The following ACTR5 variants were observed in gnomAD, a reference collection of about 807,000 sequenced individuals.
ACTR5 encodes actin related protein 5.
Under a neutral mutation model 61.2 loss-of-function variants are expected in ACTR5, and 43 were observed. The ratio of observed to expected loss-of-function variants is 0.70; its 90% CI spans 0.55 to 0.91. ACTR5 has a LOEUF of 0.91. Among genes scored for constraint, ACTR5 ranks in the 40% least tolerant of loss-of-function variants. The pLI is 0.00. For synonymous variants in ACTR5, 333 were observed against 310.5 expected, an observed-to-expected ratio of 1.07 and a Z score of -0.76; for missense variants, 798 against 782.2, an observed-to-expected ratio of 1.02 and a Z score of -0.24.
chr20:38,748,805 G>A lies in ACTR5; in HGVS notation c.327G>A (p.Gln109=), dbSNP rs756190699. Residue 109 remains glutamine, a synonymous_variant, in exon 1 of 9, where the codon CAG becomes CAA. Transcript: ENST00000243903. ...ACGTGCCGGTCAACCTGGAGCTTCA[G>A]GAGTTGCTGCTGGACTACAGCTTCC... ...DRNVPVNLEL[Q]ELLLDYSFQH... The A allele has an allele frequency of 5.6e-6, 9 of 1,609,474 alleles. No homozygotes were observed. In the African/African-American group the frequency reaches 1.1e-4, roughly 19 times the overall value.
intron 1 of ACTR5, 108 bp from the exon 2 acceptor site, chr20:38,749,902 A>G: frequency 7.7e-6 from 7 of 903,612 alleles, no homozygotes; most frequent in Non-Finnish European, 1.2e-5. Context: ...TTTTTGATTA[A>G]GAAGCCAAAA....
intron 5 of ACTR5, among the ~76,000 whole-genome samples, chr20:38,756,936 G>A (rs2084423753): frequency 6.6e-6 from 1 of 152,124 alleles, no homozygotes; most frequent in Non-Finnish European, 1.5e-5. Context: ...AAGTATTTTT[G>A]TTTGTTTGAG....
chr20:38,755,231 A>G (rs2084412989), intron 4 of ACTR5, 57 bp downstream of exon 4: 3 of 1,471,266 alleles, frequency 2.0e-6, no homozygotes, highest in African/African-American at 1.4e-5. Context: ...GTCTCAGAAG[A>G]TTTTCTTGCA....
chr20:38,769,720 A>C (rs1419595105), intron 8 of ACTR5, among the ~76,000 whole-genome samples: 28 of 152,152 alleles, frequency 1.8e-4, no homozygotes, highest in Non-Finnish European at 2.9e-5. Context: ...TGCCACAAAC[A>C]TAAAATGTGC....
chr20:38,752,126 T>C lies in ACTR5; in HGVS notation c.606-5T>C. On this transcript the variant is annotated splice_region_variant and splice_polypyrimidine_tract_variant and intron_variant, in intron 2 of 8. Transcript: ENST00000243903. ...TCAGTGCTGTTTTCTACTGCTTGGT[T>C]ATAGATTAGATGCTAAAAACTGCAA... The C allele has an allele frequency of 6.2e-7, 1 of 1,612,390 alleles. No homozygotes were observed. The highest frequency in any genetic ancestry group is 8.5e-7 in the Non-Finnish European group (1 of 1,178,808).
chr20:38,749,753 C>G (rs76486756), intron 1 of ACTR5, among the ~76,000 whole-genome samples: 12,295 of 152,240 alleles, frequency 0.081, 543 homozygotes, highest in Admixed American at 0.12. Flanking sequence ...CAGTTGGATT[C>G]TGGAAATACT....
chr20:38,762,240 A>C (rs2084459398), intron 5 of ACTR5, among the ~76,000 whole-genome samples: 1 of 152,246 alleles, frequency 6.6e-6, no homozygotes, highest in Non-Finnish European at 1.5e-5. Flanking sequence ...CTCTTGACCC[A>C]GGCACCCACA....
intron 5 of ACTR5, among the ~76,000 whole-genome samples, chr20:38,760,922 A>G (rs1200779868): frequency 6.6e-6 from 1 of 150,728 alleles, no homozygotes; most frequent in African/African-American, 2.4e-5. Context: ...ATGATGGCTC[A>G]CTGTAATTTA....
Position 38,748,465 on chromosome 20 carries a change from A to G in ACTR5, c.-14A>G. 1.4e-6 allele frequency: 2 copies of G among 1,469,358 alleles called. No individual in the cohort carries two copies. The highest frequency in any genetic ancestry group is 1.5e-5 in the African/African-American group (1 of 67,848). The allele number at this position is 1,469,358 out of a possible 1,614,324, so 91.0% of individuals were successfully genotyped here. On this transcript the variant is annotated 5_prime_UTR_variant, in exon 1 of 9. Coordinates refer to ENST00000243903, the MANE Select transcript of ACTR5 (RefSeq NM_024855.4). The stretch of plus-strand genomic sequence containing the variant: ...ACACTGCGCCGAGGGGCGGGGCTGG[A>G]CGCGCGCTCCAAGATGGCGGCGAAC...
At chr20:38,750,263 A>T (rs1240751416) in intron 2 of ACTR5, 24 bp downstream of exon 2, 1 of 1,597,610 alleles carries the variant, frequency 6.3e-7, no homozygotes. Flanking sequence ...GTGGCATTTG[A>T]GTGCGATTTT....
intron 2 of ACTR5, among the ~76,000 whole-genome samples, chr20:38,750,987 G>A (rs2084384123): frequency 6.6e-6 from 1 of 152,138 alleles, no homozygotes; most frequent in African/African-American, 2.4e-5. Context: ...TGCCTGGCAC[G>A]TAATGGACCC....
chr20:38,769,132 A>G (rs1232305085), intron 8 of ACTR5, among the ~76,000 whole-genome samples: 1 of 152,124 alleles, frequency 6.6e-6, no homozygotes, highest in African/African-American at 2.4e-5. Context: ...TTAGTTTTCC[A>G]GAGTTTTCCT....
chr20:38,768,461 G>A (rs1353731221), intron 8 of ACTR5, among the ~76,000 whole-genome samples: 5 of 152,160 alleles, frequency 3.3e-5, no homozygotes, highest in African/African-American at 1.2e-4. Flanking sequence ...GGAGCAACCA[G>A]GTGTAAGCAT....
intron 2 of ACTR5, 96 bp from the exon 3 acceptor site, chr20:38,752,035 T>C: frequency 2.2e-6 from 3 of 1,388,442 alleles, no homozygotes; most frequent in South Asian, 1.3e-5. Context: ...GGTCTGTTTC[T>C]TCTTTATCTG....
intron 5 of ACTR5, among the ~76,000 whole-genome samples, chr20:38,759,506 T>C (rs1490478655): frequency 1.3e-5 from 2 of 152,240 alleles, no homozygotes; most frequent in Admixed American, 1.3e-4. Context: ...TTTATAATTT[T>C]TGTGAAGCTA....
chr20:38,759,469 T>C (rs1182057222), intron 5 of ACTR5, among the ~76,000 whole-genome samples: 1 of 152,230 alleles, frequency 6.6e-6, no homozygotes, highest in African/African-American at 2.4e-5. Context: ...CTGCGACTTG[T>C]ATGAATTGGG....
chr20:38,771,501 G>T, intron 8 of ACTR5, 58 bp from the exon 9 acceptor site: 3 of 1,571,844 alleles, frequency 1.9e-6, no homozygotes, highest in Non-Finnish European at 2.6e-6. Context: ...GCTGAGCCAG[G>T]TCAACATTCA....
At chr20:38,754,579 C>A (rs2084406774) in intron 3 of ACTR5, among the ~76,000 whole-genome samples, 1 of 151,882 alleles carries the variant, frequency 6.6e-6, no homozygotes, top group Admixed American at 6.6e-5. Context: ...ATTAGCCGGG[C>A]ATGGTGGCAG....
In ACTR5 at chr20:38,755,901, G is replaced by A. The variant is rs1376950780; in HGVS notation, c.1038G>A (p.Leu346=). ...DGQMDQFHKA[L]IELNMDSPEE... ...AGATGGATCAGTTTCACAAAGCTCT[G>A]ATAGAGCTGAATATGGACTCCCCAG... Residue 346 remains leucine (L), a synonymous_variant, in exon 5 of 9, where the codon CTG becomes CTA. Transcript: ENST00000243903. 1 of 1,614,180 alleles carries A rather than the reference G, an allele frequency of 6.2e-7. No individual in the cohort carries two copies. The highest frequency in any genetic ancestry group is 2.2e-5 in the East Asian group (1 of 44,880).
Sources: allele counts gnomAD v4.1 joint callset (sites outside exome capture counted in the v4.1 genomes callset), GRCh38; gene constraint gnomAD v4.1.1; transcripts MANE v1.5; gene names NCBI Gene and HGNC (gene_info 2026-07-23, HGNC 2026-07-21).